ADGRL2: variants seen among roughly 807,000 people sequenced by gnomAD.
The protein encoded by ADGRL2 is adhesion G protein-coupled receptor L2.
A neutral mutation model predicts 157.4 loss-of-function variants in ADGRL2; 44 were observed. That is an observed-to-expected ratio of 0.28 (90% CI 0.22 to 0.36). The LOEUF (loss-of-function observed/expected upper bound fraction) is 0.36, where lower values mean the gene tolerates loss of function less well. Among genes scored for constraint, ADGRL2 ranks in the 10% least tolerant of loss-of-function variants. The probability of loss-of-function intolerance (pLI) is 1.00; values close to 1 mark genes in which losing one functional copy is unlikely to be tolerated. For synonymous variants in ADGRL2, 585 were observed against 624.7 expected (o/e 0.94, Z 0.95); for missense variants, 1,510 against 1,768.9 (o/e 0.85, Z 2.63).
At chr1:81,496,319 G>A (rs994906672) in intron 2 of ADGRL2, among the ~76,000 whole-genome samples, 1 of 152,172 alleles carries the variant, frequency 6.6e-6, no homozygotes, top group African/African-American at 2.4e-5. Context: ...CAAGTTGGCA[G>A]AAACTATTAA....
intron 1 of ADGRL2, among the ~76,000 whole-genome samples, chr1:81,724,635 C>T (rs2084449999): frequency 6.6e-6 from 1 of 152,178 alleles, no homozygotes; most frequent in Admixed American, 6.5e-5. Flanking sequence ...TCGTACCTGA[C>T]ATTGCTATGT....
intron 1 of ADGRL2, among the ~76,000 whole-genome samples, chr1:81,757,988 A>G (rs1376033046): frequency 6.6e-6 from 1 of 152,170 alleles, no homozygotes; most frequent in Non-Finnish European, 1.5e-5. Flanking sequence ...ATAAACTAGA[A>G]CTTTACAAGA....
intron 1 of ADGRL2, among the ~76,000 whole-genome samples, chr1:81,730,764 T>C (rs1378987824): frequency 1.3e-5 from 2 of 152,010 alleles, no homozygotes; most frequent in Admixed American, 1.3e-4. Context: ...TTCAAACAAG[T>C]AGAGAACCAC....
intron 1 of ADGRL2, among the ~76,000 whole-genome samples, chr1:81,830,285 T>A (rs946653741): frequency 1.3e-5 from 2 of 152,174 alleles, no homozygotes; most frequent in African/African-American, 4.8e-5. Context: ...TAGGAAGTAC[T>A]CACTGGATAT....
At chr1:81,452,338 C>T (rs2077717405) in intron 2 of ADGRL2, among the ~76,000 whole-genome samples, 1 of 152,112 alleles carries the variant, frequency 6.6e-6, no homozygotes. Context: ...CTTTTAAAGA[C>T]ACCAATTTTT....
chr1:81,502,940 C>T, intron 2 of ADGRL2: 1 of 1,612,432 alleles, frequency 6.2e-7, no homozygotes. Flanking sequence ...CCAGCAACCA[C>T]TCTCAGGAAA....
chr1:81,469,370 C>G (rs972918424), intron 2 of ADGRL2, among the ~76,000 whole-genome samples: 1 of 152,188 alleles, frequency 6.6e-6, no homozygotes, highest in East Asian at 1.9e-4. Context: ...GATCTGCTGT[C>G]TTTTCTGAGA....
At position 81,525,077 on chromosome 1, in the gene ADGRL2, T is replaced by C. The variant is rs116579120; in HGVS notation, c.-247-55799T>C. On this transcript the variant is annotated intron_variant, in intron 2 of 24. Transcript: ENST00000370721. ...TTTATATCTTTTGAATTAGAACCTT[T>C]TGAGGTCATCACTATTCAAAAAATA... Among the ~76,000 whole-genome samples the C allele has an allele frequency of 6.9e-3, 1,050 of 152,276 alleles. 4 individuals carry two copies. The highest frequency in any genetic ancestry group is 0.012 in the Non-Finnish European group (802 of 68,024).
At chr1:81,598,539 C>G (rs1048596566) in intron 3 of ADGRL2, among the ~76,000 whole-genome samples, 2 of 152,164 alleles carry the variant, frequency 1.3e-5, no homozygotes, top group African/African-American at 4.8e-5. Flanking sequence ...CATGCTAATA[C>G]TCTGCCAGTA....
intron 2 of ADGRL2, among the ~76,000 whole-genome samples, chr1:81,773,157 A>G (rs914282197): frequency 2.0e-5 from 3 of 152,146 alleles, no homozygotes; most frequent in Non-Finnish European, 2.9e-5. Context: ...GGGAGAATAT[A>G]TCAATTGATG....
chr1:81,758,208 A>C (rs1410530449), intron 1 of ADGRL2, among the ~76,000 whole-genome samples: 3 of 152,154 alleles, frequency 2.0e-5, no homozygotes, highest in Admixed American at 6.6e-5. Flanking sequence ...TTGAGCAATT[A>C]TTATTTCTTA....
chr1:81,725,570 A>T (rs1256792560), intron 1 of ADGRL2, among the ~76,000 whole-genome samples: 5 of 151,414 alleles, frequency 3.3e-5, no homozygotes, highest in Non-Finnish European at 7.4e-5. Context: ...AAATAAATAA[A>T]CTTGCATTTG....
chr1:81,370,252 A>G (rs2076138736), intron 1 of ADGRL2, among the ~76,000 whole-genome samples: 1 of 152,220 alleles, frequency 6.6e-6, no homozygotes. Context: ...CAACTGGTAT[A>G]GTAGAAACTG....
intron 1 of ADGRL2, among the ~76,000 whole-genome samples, chr1:81,311,325 T>C (rs763651374): frequency 6.6e-6 from 1 of 152,206 alleles, no homozygotes; most frequent in Non-Finnish European, 1.5e-5. Flanking sequence ...GTGCCCTTTC[T>C]GTAATTGAGA....
At chr1:81,687,213 T>A (rs1337734530) in intron 3 of ADGRL2, among the ~76,000 whole-genome samples, 1 of 152,150 alleles carries the variant, frequency 6.6e-6, no homozygotes, top group East Asian at 1.9e-4. Flanking sequence ...GATGAACTGC[T>A]GTCTTGATGA....
At chr1:81,862,805 A>G (rs902922551) in intron 2 of ADGRL2, among the ~76,000 whole-genome samples, 1 of 152,200 alleles carries the variant, frequency 6.6e-6, no homozygotes, top group Non-Finnish European at 1.5e-5. Flanking sequence ...CAGAGGAGAT[A>G]ATAACTGTTG....
chr1:81,819,985 T>C (rs2149826813), intron 1 of ADGRL2, among the ~76,000 whole-genome samples: 1 of 152,298 alleles, frequency 6.6e-6, no homozygotes, highest in South Asian at 2.1e-4. Context: ...ATATTTATTT[T>C]ATTGGTACGT....
chr1:81,538,711 G>T (rs534624952), intron 2 of ADGRL2, among the ~76,000 whole-genome samples: 1 of 152,074 alleles, frequency 6.6e-6, no homozygotes, highest in African/African-American at 2.4e-5. Context: ...TTTGGAATAA[G>T]ACTACATAAA....
At chr1:81,398,150 T>C (rs568073499) in intron 1 of ADGRL2, among the ~76,000 whole-genome samples, 1 of 152,330 alleles carries the variant, frequency 6.6e-6, no homozygotes, top group South Asian at 2.1e-4. Context: ...TTGGTTTCCA[T>C]TTGCATGGAA....
Sources: gnomAD v4.1 joint callset for allele counts (sites outside exome capture counted in the v4.1 genomes callset) on GRCh38, gnomAD v4.1.1 for gene constraint, MANE v1.5 for transcripts, NCBI Gene and HGNC (gene_info 2026-07-23, HGNC 2026-07-21) for gene names.